Variants in SORL1 observed in about 807,000 individuals in gnomAD.
SORL1 encodes sortilin-related receptor.
SORL1 carries 127 observed loss-of-function variants against 273.7 expected under a neutral mutation model. The ratio of observed to expected loss-of-function variants is 0.46; its 90% CI spans 0.40 to 0.54. SORL1 has a LOEUF of 0.54. Ranked by LOEUF, SORL1 falls within the 20% of genes least tolerant of loss-of-function variation. The pLI is 0.00. For synonymous variants in SORL1, 1,031 were observed against 1,067.4 expected (o/e 0.97, Z 0.66); for missense variants, 2,494 against 2,846.1 (o/e 0.88, Z 2.81).
chr11:121,513,254 G>A (rs1290543201), intron 7 of SORL1, 150 bp downstream of exon 7: 5 of 660,294 alleles, frequency 7.6e-6, no homozygotes, highest in African/African-American at 7.1e-5. Flanking sequence ...TATGCTTTGG[G>A]CATCGTGGTC....
At chr11:121,509,798 A>C (rs1861847946) in intron 6 of SORL1, among the ~76,000 whole-genome samples, 1 of 152,340 alleles carries the variant, frequency 6.6e-6, no homozygotes, top group Middle Eastern at 3.4e-3. Flanking sequence ...GTTATCAGAA[A>C]TGAAAACACA....
At chr11:121,567,941 T>C (rs1350794762) in intron 22 of SORL1, among the ~76,000 whole-genome samples, 1 of 152,222 alleles carries the variant, frequency 6.6e-6, no homozygotes, top group Non-Finnish European at 1.5e-5. Context: ...GGTCTTGCTG[T>C]ATTGCCCAGG....
At chr11:121,502,719 G>T (rs146153651) in intron 6 of SORL1, among the ~76,000 whole-genome samples, 72 of 152,122 alleles carry the variant, frequency 4.7e-4, no homozygotes, top group African/African-American at 1.5e-3. Context: ...TCCTTTGTCC[G>T]TTTTTAAATT....
At chr11:121,479,925 T>C (rs1861346143) in intron 3 of SORL1, among the ~76,000 whole-genome samples, 1 of 152,180 alleles carries the variant, frequency 6.6e-6, no homozygotes, top group Admixed American at 6.5e-5. Context: ...TTGGAGGGAA[T>C]TGGCCCCATA....
intron 22 of SORL1, among the ~76,000 whole-genome samples, chr11:121,569,673 T>C (rs1427188193): frequency 1.3e-5 from 2 of 152,236 alleles, no homozygotes; most frequent in African/African-American, 4.8e-5. Context: ...TAAGATGTTA[T>C]CAGTGACAAT....
intron 12 of SORL1, among the ~76,000 whole-genome samples, chr11:121,534,354 G>T (rs115418280): frequency 6.6e-6 from 1 of 152,182 alleles, no homozygotes; most frequent in Non-Finnish European, 1.5e-5. Context: ...GGAACGCAGC[G>T]TCATTCTGCA....
At position 121,590,644 on chromosome 11, in the gene SORL1, T is replaced by C. The variant is rs189238145; in HGVS notation, c.4214-357T>C. ...GAACCAGGTCGTGGAGTAGTTGCGG[T>C]TGAATTAACTAGAACACAATGCTTT... is the stretch of plus-strand genomic sequence containing the variant. On this transcript the variant is annotated intron_variant, in intron 30 of 47. Coordinates refer to ENST00000260197, the MANE Select transcript of SORL1 (RefSeq NM_003105.6). The C allele has an allele frequency of 6.6e-6, 4 of 605,084 alleles. No homozygotes were observed. The African/African-American group carries it at 7.4e-5, about 11-fold the overall frequency. 37.5% of individuals were successfully genotyped at this position (605,084 alleles called of 1,614,324 possible).
At chr11:121,508,763 G>T (rs779730111) in intron 6 of SORL1, among the ~76,000 whole-genome samples, 1 of 152,202 alleles carries the variant, frequency 6.6e-6, no homozygotes, top group Non-Finnish European at 1.5e-5. Context: ...TTCAGCCATT[G>T]TTCTTGAGTA....
intron 12 of SORL1, among the ~76,000 whole-genome samples, chr11:121,534,664 CAG>C (rs1236768750): frequency 2.6e-5 from 4 of 152,248 alleles, no homozygotes; most frequent in Non-Finnish European, 4.4e-5. Flanking sequence ...GTGTTGTTCA[CAG>C]AGGTATTTTG....
At chr11:121,519,164 T>G (rs1472456401) in intron 8 of SORL1, among the ~76,000 whole-genome samples, 1 of 152,014 alleles carries the variant, frequency 6.6e-6, no homozygotes, top group African/African-American at 2.4e-5. Context: ...GCCAGGATGG[T>G]CTCGATCTCT....
chr11:121,585,126 G>C (rs1187788569), intron 26 of SORL1, among the ~76,000 whole-genome samples: 2 of 152,170 alleles, frequency 1.3e-5, no homozygotes, highest in African/African-American at 4.8e-5. Context: ...ATAAAACTAG[G>C]ATTTCATACT....
At chr11:121,472,485 C>T (rs772141722) in intron 2 of SORL1, among the ~76,000 whole-genome samples, 11 of 152,180 alleles carry the variant, frequency 7.2e-5, no homozygotes, top group African/African-American at 1.4e-4. Context: ...CAATCATGTA[C>T]TCAGTGTGCG....
At chr11:121,523,769 C>G (rs1862077819) in intron 11 of SORL1, among the ~76,000 whole-genome samples, 1 of 152,146 alleles carries the variant, frequency 6.6e-6, no homozygotes, top group Admixed American at 6.5e-5. Flanking sequence ...GGATGAGCAC[C>G]TTGTCATCGA....
At chr11:121,532,605 C>G in intron 12 of SORL1, 53 bp downstream of exon 12, 1 of 1,422,594 alleles carries the variant, frequency 7.0e-7, no homozygotes, top group Non-Finnish European at 9.9e-7. Context: ...CAGAAATTTA[C>G]GTCTGTGATT....
intron 32 of SORL1, among the ~76,000 whole-genome samples, chr11:121,598,651 C>T (rs185377048): frequency 8.3e-4 from 126 of 152,292 alleles, no homozygotes; most frequent in Admixed American, 2.2e-3. Context: ...TTTGTTGTTC[C>T]TTGTGATGAT....
chr11:121,452,750 T>C lies in SORL1; in HGVS notation c.285+134T>C. On this transcript the variant is annotated intron_variant, in intron 1 of 47. Coordinates refer to ENST00000260197, the MANE Select transcript of SORL1 (RefSeq NM_003105.6). The surrounding 1 kb of genome is among the most constrained non-coding windows in gnomAD (Gnocchi z 5.3). Reference sequence around the variant, plus strand: ...ACTTCCCGGCTTGCATTTGTTTTTTTCCTTCACGAGTACAACCGTCAGCAC... The same window carrying C: ...ACTTCCCGGCTTGCATTTGTTTTTTCCCTTCACGAGTACAACCGTCAGCAC... 3 of 753,244 alleles carry C rather than the reference T, an allele frequency of 4.0e-6. No individual in the cohort carries two copies. The South Asian group carries it at 7.4e-5, about 19-fold the overall frequency. The allele number at this position is 753,244 out of a possible 1,614,324, so 46.7% of individuals were successfully genotyped here.
intron 42 of SORL1, among the ~76,000 whole-genome samples, chr11:121,619,340 C>T (rs746722707): frequency 1.3e-5 from 2 of 152,120 alleles, no homozygotes; most frequent in Admixed American, 6.6e-5. Flanking sequence ...GCAGGACAGC[C>T]GTTCATAAGA....
At chr11:121,624,598 C>CA (rs1318311706) in intron 45 of SORL1, among the ~76,000 whole-genome samples, 1 of 152,228 alleles carries the variant, frequency 6.6e-6, no homozygotes, top group African/African-American at 2.4e-5. Flanking sequence ...AGTGAGCCGA[C>CA]AAGGTCATTC....
intron 3 of SORL1, among the ~76,000 whole-genome samples, chr11:121,481,357 C>T (rs571673509): frequency 1.5e-5 from 2 of 131,670 alleles, no homozygotes; most frequent in African/African-American, 6.3e-5. Context: ...TCCATCTCCT[C>T]CTCCCCAGCT....
Sources: gnomAD v4.1 joint callset for allele counts (sites outside exome capture counted in the v4.1 genomes callset) on GRCh38, gnomAD v4.1.1 for gene constraint, Gnocchi (gnomAD v3.1) non-coding constraint, MANE v1.5 for transcripts, NCBI Gene and HGNC (gene_info 2026-07-23, HGNC 2026-07-21) for gene names.